CCNB2: variants seen among roughly 807,000 people sequenced by gnomAD.
CCNB2 encodes the protein cyclin B2.
In CCNB2, 39 loss-of-function variants were observed where a neutral mutation model predicts 51.1. That is an observed-to-expected ratio of 0.76 (90% CI 0.59 to 1.00). The LOEUF is 1.00. CCNB2 is among the 50% of genes least tolerant of loss of function. The pLI is 0.00. For synonymous variants in CCNB2, 174 were observed against 165.5 expected (o/e 1.05, Z -0.40); for missense variants, 472 against 470.3 (o/e 1.00, Z -0.03).
chr15:59,122,185 A>T (rs1169244394), intron 7 of CCNB2, among the ~76,000 whole-genome samples: 3 of 146,208 alleles, frequency 2.1e-5, no homozygotes, highest in South Asian at 4.3e-4. Flanking sequence ...AAAAAAACGT[A>T]CTTTCGCTTT....
chr15:59,124,661 G>A (rs185205600), intron 8 of CCNB2, 106 bp from the exon 9 acceptor site: 2 of 793,074 alleles, frequency 2.5e-6, no homozygotes, highest in East Asian at 5.3e-5. Context: ...CATCATCAAT[G>A]TGATCATGAT....
intron 3 of CCNB2, among the ~76,000 whole-genome samples, chr15:59,109,286 A>T (rs897209425): frequency 2.0e-5 from 3 of 152,108 alleles, no homozygotes; most frequent in Admixed American, 1.3e-4. Context: ...CCCGCCCCTC[A>T]AAGTGCTGGG....
intron 5 of CCNB2, chr15:59,115,946 G>C (rs2140288629): frequency 6.6e-6 from 1 of 152,242 alleles, no homozygotes. Flanking sequence ...TGCTCAGGCT[G>C]GTCTCGAACT....
intron 8 of CCNB2, 95 bp downstream of exon 8, chr15:59,123,722 A>T (rs2079313567): frequency 3.0e-6 from 2 of 664,772 alleles, no homozygotes; most frequent in Non-Finnish European, 5.4e-6. Flanking sequence ...CCGTCATGTA[A>T]ATATATTAAT....
chr15:59,111,841 T>A (rs1381102477), intron 3 of CCNB2, among the ~76,000 whole-genome samples: 2 of 143,138 alleles, frequency 1.4e-5, no homozygotes, highest in Non-Finnish European at 3.0e-5. Context: ...ATTCTATTCT[T>A]TTCTTTCTTT....
chr15:59,124,838 C>T lies in CCNB2; in HGVS notation c.1158C>T (p.Ala386=), dbSNP rs373738721. The stretch of plus-strand genomic sequence containing the variant: ...TGATCCCTCAGCTGAACTCAAAAGC[C>T]GTCAAAGACCTTGCCTCCCCACTGA... ...ISMIPQLNSK[A]VKDLASPLIG... Residue 386 remains alanine, a synonymous_variant, in exon 9 of 9, where the codon GCC becomes GCT. Transcript: ENST00000288207. The T allele has an allele frequency of 8.1e-6, 13 of 1,607,054 alleles. No individual in the cohort carries two copies. The highest frequency in any genetic ancestry group is 4.5e-5 in the East Asian group (2 of 44,726).
At chr15:59,107,195 T>C in intron 1 of CCNB2, 127 bp from the exon 2 acceptor site, 1 of 832,930 alleles carries the variant, frequency 1.2e-6, no homozygotes, top group Non-Finnish European at 1.8e-6. Context: ...AAATGTACCT[T>C]TTCCATCTTG....
chr15:59,109,282 C>A (rs1395622582), intron 3 of CCNB2, among the ~76,000 whole-genome samples: 1 of 152,140 alleles, frequency 6.6e-6, no homozygotes, highest in African/African-American at 2.4e-5. Flanking sequence ...TGCCCCCGCC[C>A]CTCAAAGTGC....
intron 3 of CCNB2, among the ~76,000 whole-genome samples, chr15:59,112,753 G>C (rs1357801735): frequency 6.6e-6 from 1 of 151,288 alleles, no homozygotes; most frequent in Non-Finnish European, 1.5e-5. Flanking sequence ...GCATTGATTT[G>C]GCTGGGTGCA....
intron 6 of CCNB2, 45 bp downstream of exon 6, chr15:59,116,971 T>C (rs1390360638): frequency 1.4e-6 from 2 of 1,475,978 alleles, no homozygotes; most frequent in Non-Finnish European, 1.9e-6. Context: ...GCTTGGTGTC[T>C]CATCCCAGAA....
chr15:59,123,612 CTT>C lies in CCNB2; in HGVS notation c.1072_1073del (p.Leu358AsnfsTer2). On this transcript the variant is annotated frameshift_variant, in exon 8 of 9. Transcript: ENST00000288207. LOFTEE classifies it high-confidence loss of function. ...AGAATGTGGTGAAAGTAAATGAAAACTTAACTAAATTCATCGTAAGTACTACT... is the reference window on the plus strand; with the variant it reads ...AGAATGTGGTGAAAGTAAATGAAAACAACTAAATTCATCGTAAGTACTACT... Reference protein sequence around the residue: ...AKNVVKVNENLTKFIAIKNKY... With the variant: ...AKNVVKVNENXTKFIAIKNKY... The C allele has an allele frequency of 6.3e-7, 1 of 1,595,454 alleles. No homozygotes were observed. The highest frequency in any genetic ancestry group is 8.6e-7 in the Non-Finnish European group (1 of 1,169,152).
chr15:59,119,185 A>G (rs2079291601), intron 7 of CCNB2, among the ~76,000 whole-genome samples: 1 of 152,216 alleles, frequency 6.6e-6, no homozygotes. Flanking sequence ...TTAAGTGGAA[A>G]TAAACAATGT....
chr15:59,113,033 C>CA (rs1224685196), intron 3 of CCNB2, among the ~76,000 whole-genome samples: 5,743 of 140,024 alleles, frequency 0.041, 321 homozygotes, highest in African/African-American at 0.14. Flanking sequence ...GACTCCATCT[C>CA]AAAAAAAAAA....
intron 5 of CCNB2, among the ~76,000 whole-genome samples, 182 bp from the exon 6 acceptor site, chr15:59,116,508 A>T (rs1319327606): frequency 6.6e-6 from 1 of 152,244 alleles, no homozygotes; most frequent in Admixed American, 6.5e-5. Flanking sequence ...CACTGTGCCT[A>T]GCACACAGTG....
In CCNB2 at chr15:59,119,285, C is replaced by T. The variant is rs191962985; in HGVS notation, c.975+1917C>T. Reference sequence around the variant, plus strand: ...GCCCAGCCTGGGTAGCGTAGCAAGACCCCCATCTCTATAAAAAATTAAAAA... The same window carrying T: ...GCCCAGCCTGGGTAGCGTAGCAAGATCCCCATCTCTATAAAAAATTAAAAA... On this transcript the variant is annotated intron_variant, in intron 7 of 8. Transcript: ENST00000288207. Among the ~76,000 whole-genome samples the T allele has an allele frequency of 1.6e-4, 24 of 151,996 alleles. No individual in the cohort carries two copies. In the East Asian group the frequency reaches 3.9e-3, roughly 24 times the overall value.
At chr15:59,115,694 G>A (rs1179610998) in intron 5 of CCNB2, 5 of 152,078 alleles carry the variant, frequency 3.3e-5, no homozygotes, top group African/African-American at 7.2e-5. Context: ...TCCTCTTTGG[G>A]CAGGAAAGCA....
chr15:59,114,989 G>C, intron 5 of CCNB2, 113 bp downstream of exon 5: 1 of 1,153,030 alleles, frequency 8.7e-7, no homozygotes, highest in Middle Eastern at 3.1e-4. Flanking sequence ...AAATCAAATT[G>C]TGAGAAGCCA....
chr15:59,105,399 TTTCTC>T, intron 1 of CCNB2, 107 bp downstream of exon 1: 4 of 1,276,284 alleles, frequency 3.1e-6, no homozygotes, highest in Non-Finnish European at 3.3e-6. Context: ...CGGGGCTGCT[TTTCTC>T]TTCTCCGGAG....
chr15:59,124,460 A>G (rs1461931843), intron 8 of CCNB2: 15 of 373,780 alleles, frequency 4.0e-5, no homozygotes, highest in African/African-American at 1.3e-4. Context: ...GATGGCACTT[A>G]GGTGTCGTAA....
Sources: allele counts gnomAD v4.1 joint callset (sites outside exome capture counted in the v4.1 genomes callset), GRCh38; gene constraint gnomAD v4.1.1; transcripts MANE v1.5; gene names NCBI Gene and HGNC (gene_info 2026-07-23, HGNC 2026-07-21).